Variants in SORCS1 observed in about 807,000 individuals in gnomAD.
SORCS1 encodes VPS10 domain-containing receptor SorCS1.
Under a neutral mutation model 146.1 loss-of-function variants are expected in SORCS1, and 60 were observed. That is an observed-to-expected ratio of 0.41 (90% CI 0.33 to 0.51). SORCS1 has a LOEUF of 0.51. Among genes scored for constraint, SORCS1 ranks in the 20% least tolerant of loss-of-function variants. The pLI is 0.21. For synonymous variants in SORCS1, 637 were observed against 584.0 expected (o/e 1.09, Z -1.31); for missense variants, 1,352 against 1,487.6 (o/e 0.91, Z 1.50).
At chr10:106,976,148 A>C (rs1955988375) in intron 1 of SORCS1, among the ~76,000 whole-genome samples, 1 of 151,084 alleles carries the variant, frequency 6.6e-6, no homozygotes. Context: ...AAAAAAAAAA[A>C]AAGCCATCTC....
chr10:106,618,385 G>C, intron 20 of SORCS1, 113 bp from the exon 21 acceptor site: 1 of 1,338,102 alleles, frequency 7.5e-7, no homozygotes, highest in East Asian at 2.4e-5. Flanking sequence ...TCTTCCTGAT[G>C]TACCACAATG....
chr10:107,074,449 G>A (rs1160174975), intron 1 of SORCS1, among the ~76,000 whole-genome samples: 1 of 152,136 alleles, frequency 6.6e-6, no homozygotes, highest in Non-Finnish European at 1.5e-5. Context: ...TCACCTACCA[G>A]AAAGCATTTT....
In SORCS1 at chr10:106,585,758, G is replaced by A. The variant is rs150078612; in HGVS notation, c.3266-6284C>T. On this transcript the variant is annotated intron_variant, in intron 24 of 25. Coordinates refer to ENST00000263054, the MANE Select transcript of SORCS1 (RefSeq NM_052918.5). Reference sequence around the variant, plus strand: ...ATGGTGTGCTAATTGTGAATTTCACGGCCTTGCATACCTCTGCTTTTTCTC... The same window carrying A: ...ATGGTGTGCTAATTGTGAATTTCACAGCCTTGCATACCTCTGCTTTTTCTC... Among the ~76,000 whole-genome samples, 309 of 152,282 alleles carry A rather than the reference G, an allele frequency of 2.0e-3. 2 individuals carry two copies. Among genetic ancestry groups the A allele is most frequent in the African/African-American group, 6.8e-3 (281 of 41,548 alleles).
At chr10:106,925,764 A>G (rs778057359) in intron 2 of SORCS1, among the ~76,000 whole-genome samples, 1 of 152,184 alleles carries the variant, frequency 6.6e-6, no homozygotes, top group Non-Finnish European at 1.5e-5. Context: ...AAACAACACA[A>G]CAGAGAACAA....
intron 1 of SORCS1, among the ~76,000 whole-genome samples, chr10:107,162,999 T>C (rs1969821418): frequency 1.3e-5 from 2 of 152,238 alleles, no homozygotes; most frequent in South Asian, 4.1e-4. Flanking sequence ...GCTGGTTCTC[T>C]ACTATTTCAA....
At chr10:106,785,540 G>A (rs1012476807) in intron 3 of SORCS1, among the ~76,000 whole-genome samples, 1 of 152,162 alleles carries the variant, frequency 6.6e-6, no homozygotes, top group African/African-American at 2.4e-5. Flanking sequence ...TCAGAGGGTA[G>A]AGGGAATTTT....
chr10:106,800,537 TTTA>T (rs1431961758), intron 3 of SORCS1, among the ~76,000 whole-genome samples: 7 of 137,092 alleles, frequency 5.1e-5, no homozygotes, highest in Non-Finnish European at 4.8e-5. Flanking sequence ...TTTTTTTTTT[TTTA>T]AGATGGAGTC....
chr10:107,156,628 T>C (rs1444967433), intron 1 of SORCS1, among the ~76,000 whole-genome samples: 1 of 152,228 alleles, frequency 6.6e-6, no homozygotes, highest in Non-Finnish European at 1.5e-5. Context: ...ATCTGGTAAC[T>C]CAGTTATAAT....
chr10:106,601,096 G>A (rs953866608), intron 23 of SORCS1, among the ~76,000 whole-genome samples: 9 of 152,066 alleles, frequency 5.9e-5, no homozygotes, highest in Non-Finnish European at 1.3e-4. Context: ...GAGAGTCTTC[G>A]GCTATAGAAA....
At chr10:106,953,704 C>G (rs1044824396) in intron 2 of SORCS1, among the ~76,000 whole-genome samples, 1 of 152,160 alleles carries the variant, frequency 6.6e-6, no homozygotes, top group Non-Finnish European at 1.5e-5. Flanking sequence ...CAAATCCATA[C>G]AGCATGTTAC....
intron 1 of SORCS1, among the ~76,000 whole-genome samples, chr10:106,989,680 G>GTTTTGTTTTTTTTTTTTTT (rs1956675109): frequency 2.8e-5 from 2 of 70,360 alleles, no homozygotes; most frequent in African/African-American, 5.4e-5. Context: ...GTTTTTTTTT[G>GTTTTGTTTTTTTTTTTTTT]TTTTTTTTTT....
At chr10:107,032,218 T>C (rs1289177274) in intron 1 of SORCS1, among the ~76,000 whole-genome samples, 2 of 152,124 alleles carry the variant, frequency 1.3e-5, no homozygotes, top group Non-Finnish European at 2.9e-5. Context: ...TAAGAACTCT[T>C]GTTGCAACAA....
chr10:107,124,635 C>T (rs999248733), intron 1 of SORCS1, among the ~76,000 whole-genome samples: 1 of 151,216 alleles, frequency 6.6e-6, no homozygotes, highest in Non-Finnish European at 1.5e-5. Context: ...TGGGGCAGCA[C>T]AAAAAAAGAT....
chr10:106,730,145 T>A, intron 5 of SORCS1, 31 bp from the exon 6 acceptor site: 1 of 1,609,826 alleles, frequency 6.2e-7, no homozygotes, highest in Non-Finnish European at 8.5e-7. Flanking sequence ...AAAAGAAACA[T>A]CCATATTAAT....
At chr10:106,861,810 A>T (rs563523566) in intron 2 of SORCS1, among the ~76,000 whole-genome samples, 22 of 152,164 alleles carry the variant, frequency 1.4e-4, no homozygotes, top group African/African-American at 5.1e-4. Flanking sequence ...AATCACTTGA[A>T]CCTGGGAGGC....
intron 1 of SORCS1, among the ~76,000 whole-genome samples, chr10:107,021,294 C>T (rs915969739): frequency 1.3e-5 from 2 of 151,740 alleles, no homozygotes; most frequent in African/African-American, 2.4e-5. Flanking sequence ...AGGTGGATCA[C>T]GAGGTCAGGA....
chr10:106,976,400 C>T (rs1230161463), intron 1 of SORCS1, among the ~76,000 whole-genome samples: 4 of 140,670 alleles, frequency 2.8e-5, no homozygotes, highest in African/African-American at 5.1e-5. Flanking sequence ...TGCGCGATTT[C>T]GGCTCACTGC....
At chr10:106,897,349 AT>A (rs1360959136) in intron 2 of SORCS1, among the ~76,000 whole-genome samples, 2 of 152,160 alleles carry the variant, frequency 1.3e-5, no homozygotes, top group African/African-American at 4.8e-5. Flanking sequence ...GTTTATGTGC[AT>A]TGGTCCAGAA....
chr10:106,901,913 G>A (rs978770395), intron 2 of SORCS1, among the ~76,000 whole-genome samples: 3 of 151,966 alleles, frequency 2.0e-5, no homozygotes, highest in African/African-American at 4.8e-5. Context: ...GCATGGTGGC[G>A]GGCACCTGTA....
Sources: allele counts gnomAD v4.1 joint callset (sites outside exome capture counted in the v4.1 genomes callset), GRCh38; gene constraint gnomAD v4.1.1; transcripts MANE v1.5; gene names NCBI Gene and HGNC (gene_info 2026-07-23, HGNC 2026-07-21).